Variants in IRX2 observed in about 807,000 individuals in gnomAD.
The protein encoded by IRX2 is iroquois-class homeodomain protein IRX-2.
Under a neutral mutation model 42.9 loss-of-function variants are expected in IRX2, and 26 were observed. The observed-to-expected ratio is 0.61, with a 90% CI of 0.44 to 0.84. The LOEUF is 0.84. Ranked by LOEUF, IRX2 falls within the 40% of genes least tolerant of loss-of-function variation. IRX2 has a pLI of 0.00. For synonymous variants in IRX2, 424 were observed against 353.9 expected, an observed-to-expected ratio of 1.20 and a Z score of -2.22; for missense variants, 782 against 713.9, an observed-to-expected ratio of 1.10 and a Z score of -1.09.
intron 3 of IRX2, 117 bp from the exon 4 acceptor site, chr5:2,747,733 T>C (rs1247022927): frequency 3.1e-6 from 3 of 973,772 alleles, no homozygotes; most frequent in East Asian, 2.6e-5. Flanking sequence ...AAACCGACTG[T>C]CTCCAGGGCC....
chr5:2,751,276 G>A lies in IRX2; in HGVS notation c.138C>T (p.Ser46=). ...LARSASGSAF[S]PYPGSAAFTA... ...TGAAGGCCGCCGAGCCCGGGTAGGG[G>A]CTGAACGCCGAGCCCGACGCCGAGC... The change falls in exon 1 of 4, where the codon AGC becomes AGT. Residue 46 remains serine, a synonymous_variant. Transcript: ENST00000302057. The surrounding 1 kb of genome is among the most constrained non-coding windows in gnomAD (Gnocchi z 4.0). 7.0e-7 allele frequency: 1 copy of A among 1,428,330 alleles called. No homozygotes were observed. Among genetic ancestry groups the A allele is most frequent in the Non-Finnish European group, 9.2e-7 (1 of 1,091,050 alleles). 88.5% of individuals were successfully genotyped at this position (1,428,330 alleles called of 1,614,324 possible).
chr5:2,744,179 C>G (rs570313162), downstream of IRX2, among the ~76,000 whole-genome samples: 28 of 151,310 alleles, frequency 1.9e-4, no homozygotes, highest in African/African-American at 6.8e-4. Context: ...CAAAGGGAGG[C>G]GGCTTTTACC....
chr5:2,737,158 C>T, the IRX2 span: 4 of 152,208 alleles, frequency 2.6e-5, no homozygotes, highest in African/African-American at 7.2e-5. Flanking sequence ...GAAGTAGCTC[C>T]GTTCATTCAC....
At chr5:2,739,690 C>T in the IRX2 span, among the ~76,000 whole-genome samples, 2 of 152,198 alleles carry the variant, frequency 1.3e-5, no homozygotes, top group Non-Finnish European at 2.9e-5. Flanking sequence ...GGTTTCCCGG[C>T]GCTCTGCGGC....
chr5:2,747,678 C>CCGTG, intron 3 of IRX2, 62 bp from the exon 4 acceptor site: 1 of 1,522,192 alleles, frequency 6.6e-7, no homozygotes, highest in South Asian at 1.1e-5. Flanking sequence ...GCGCAGACCA[C>CCGTG]CGTGCACCCA....
chr5:2,748,255 C>A (rs1447822320), intron 3 of IRX2, 90 bp downstream of exon 3: 15 of 1,219,944 alleles, frequency 1.2e-5, no homozygotes, highest in Non-Finnish European at 1.5e-5. Context: ...ATCTTCTTCC[C>A]GGACCCTCCC....
rs1431709247 is a variant in IRX2, at chr5:2,751,429, C to T, written c.-16G>A. 2.4e-6 allele frequency: 3 copies of T among 1,265,790 alleles called. No individual in the cohort carries two copies. Among genetic ancestry groups the T allele is most frequent in the Non-Finnish European group, 3.0e-6 (3 of 1,005,412 alleles). The allele number at this position is 1,265,790 out of a possible 1,614,324, so 78.4% of individuals were successfully genotyped here. On this transcript the variant is annotated 5_prime_UTR_variant, in exon 1 of 4. Transcript: ENST00000302057. This position sits in a 1 kb window ranked among gnomAD's most constrained non-coding sequence, Gnocchi z 4.0. ...GGTAGGACATGGTGGGCGCGGGGCG[C>T]GGGGCCCGCGTCACGCCGAGCAGCG...
chr5:2,739,773 C>A, the IRX2 span, among the ~76,000 whole-genome samples: 1,368 of 152,284 alleles, frequency 9.0e-3, 20 homozygotes, highest in African/African-American at 0.019. Context: ...GGCCAGGGAG[C>A]GAGGCGAGCA....
chr5:2,747,808 C>T (rs992148010), intron 3 of IRX2, among the ~76,000 whole-genome samples, 192 bp from the exon 4 acceptor site: 1 of 152,218 alleles, frequency 6.6e-6, no homozygotes, highest in African/African-American at 2.4e-5. Flanking sequence ...ACTCCTCTTT[C>T]GGGTAGCCTG....
chr5:2,741,913 T>C (rs1350711530), downstream of IRX2, among the ~76,000 whole-genome samples: 1 of 152,214 alleles, frequency 6.6e-6, no homozygotes, highest in African/African-American at 2.4e-5. Context: ...AAAAAATTCT[T>C]CCTCTTTCCT....
rs2111455955 is a variant in IRX2, at chr5:2,751,506, G to A, written c.-93C>T. 1.1e-6 allele frequency: 1 copy of A among 898,920 alleles called. No individual in the cohort carries two copies. Among genetic ancestry groups the A allele is most frequent in the South Asian group, 5.0e-5 (1 of 20,148 alleles). 55.7% of individuals were successfully genotyped at this position (898,920 alleles called of 1,614,324 possible). The stretch of plus-strand genomic sequence containing the variant: ...ACGCCCGGCCGGGGCGCGGCGCGGC[G>A]GCGGGCACCCGGACGGCCGGCGGAG... On this transcript the variant is annotated 5_prime_UTR_variant, in exon 1 of 4. Coordinates refer to ENST00000302057, the MANE Select transcript of IRX2 (RefSeq NM_033267.5). This position sits in a 1 kb window ranked among gnomAD's most constrained non-coding sequence, Gnocchi z 4.0.
chr5:2,749,927 G>A (rs1171059766), intron 1 of IRX2, 140 bp from the exon 2 acceptor site: 24 of 868,248 alleles, frequency 2.8e-5, no homozygotes, highest in Non-Finnish European at 5.2e-6. Context: ...CGCCGCAAAA[G>A]AGCAGGAAAA....
downstream of IRX2, among the ~76,000 whole-genome samples, chr5:2,741,205 G>A (rs548709977): frequency 7.9e-5 from 12 of 152,364 alleles, no homozygotes; most frequent in South Asian, 2.1e-3. Flanking sequence ...TAAACCGTTC[G>A]ATTTGCCCTT....
rs1219630871 is a variant in IRX2, at chr5:2,751,403, G to C, written c.11C>G (p.Pro4Arg). 7.2e-7 allele frequency: 1 copy of C among 1,392,204 alleles called. No individual in the cohort carries two copies. Among genetic ancestry groups the C allele is most frequent in the Non-Finnish European group, 9.3e-7 (1 of 1,070,808 alleles). 86.2% of individuals were successfully genotyped at this position (1,392,204 alleles called of 1,614,324 possible). MSYPQGYLYQAPGS... is the reference protein window; with the variant it reads MSYRQGYLYQAPGS... ...GGGCGCCTGGTACAGGTAGCCCTGC[G>C]GGTAGGACATGGTGGGCGCGGGGCG... is the stretch of plus-strand genomic sequence containing the variant. Residue 4 changes from proline (P) to arginine (R), a missense_variant, in exon 1 of 4, where the codon CCG (proline) becomes CGG (arginine). By Grantham distance (103) the Pro-to-Arg change is moderately radical. This residue lies in a region of IRX2 where 256 missense variants were observed against 250.0 expected (regional missense o/e 1.02). Transcript: ENST00000302057. This position sits in a 1 kb window ranked among gnomAD's most constrained non-coding sequence, Gnocchi z 4.0.
At chr5:2,749,888 C>A (rs536743937) in intron 1 of IRX2, 101 bp from the exon 2 acceptor site, 4 of 1,269,140 alleles carry the variant, frequency 3.2e-6, no homozygotes, top group South Asian at 1.5e-5. Context: ...CCGTTCCCCC[C>A]GTGAGTCTGG....
At chr5:2,737,965 C>T in the IRX2 span, among the ~76,000 whole-genome samples, 1 of 152,236 alleles carries the variant, frequency 6.6e-6, no homozygotes, top group Non-Finnish European at 1.5e-5. Context: ...GCCCACAGCC[C>T]ACCTGTCCTG....
chr5:2,743,379 G>T (rs763730239), downstream of IRX2, among the ~76,000 whole-genome samples: 4 of 152,170 alleles, frequency 2.6e-5, no homozygotes, highest in Admixed American at 6.5e-5. Flanking sequence ...CGCCCGCGCC[G>T]GCCGCCGGGC....
the IRX2 span, among the ~76,000 whole-genome samples, chr5:2,737,569 T>A: frequency 2.6e-5 from 4 of 152,208 alleles, no homozygotes; most frequent in African/African-American, 9.6e-5. Context: ...TCTCGAGTGC[T>A]GTCCTCTCCA....
chr5:2,750,191 TA>T (rs766962676), intron 1 of IRX2, among the ~76,000 whole-genome samples: 2 of 152,112 alleles, frequency 1.3e-5, no homozygotes, highest in African/African-American at 4.8e-5. Context: ...CTTATATGGT[TA>T]AAAAAACACC....
Sources: gnomAD v4.1 joint callset for allele counts (sites outside exome capture counted in the v4.1 genomes callset) on GRCh38, gnomAD v4.1.1 for gene constraint, gnomAD v4.1.1 regional missense constraint, Gnocchi (gnomAD v3.1) non-coding constraint, MANE v1.5 for transcripts, NCBI Gene and HGNC (gene_info 2026-07-23, HGNC 2026-07-21) for gene names.